The following PCSK2 variants were observed in gnomAD, a reference collection of about 807,000 sequenced individuals.
The protein encoded by PCSK2 is proprotein convertase subtilisin/kexin type 2, also known as neuroendocrine convertase 2.
Under a neutral mutation model 69.7 loss-of-function variants are expected in PCSK2, and 14 were observed. That is an observed-to-expected ratio of 0.20 (90% CI 0.13 to 0.31). The LOEUF (loss-of-function observed/expected upper bound fraction) is 0.31. PCSK2 is among the 10% of genes least tolerant of loss of function. The pLI is 1.00. For synonymous variants in PCSK2, 307 were observed against 320.7 expected (o/e 0.96, Z 0.46); for missense variants, 544 against 842.5 (o/e 0.65, Z 4.39).
chr20:17,391,896 GAAA>G (rs1600542875), intron 5 of PCSK2, among the ~76,000 whole-genome samples: 2 of 137,186 alleles, frequency 1.5e-5, no homozygotes, highest in East Asian at 4.1e-4. Context: ...AAGAGAGAGA[GAAA>G]GAGAGAGAGG....
At position 17,230,098 on chromosome 20, in the gene PCSK2, C is replaced by T. The variant is rs116821182; in HGVS notation, c.177+2616C>T. ...TTATTATCCCAGGTTTCCCAGACAC[C>T]GTCCTATCTTGCTTTCATCATACTG... On this transcript the variant is annotated intron_variant, in intron 1 of 11. Coordinates refer to ENST00000262545, the MANE Select transcript of PCSK2 (RefSeq NM_002594.5). Among the ~76,000 whole-genome samples the T allele has an allele frequency of 6.9e-4, 105 of 152,290 alleles. 1 individual carries two copies. Among genetic ancestry groups the T allele is most frequent in the African/African-American group, 2.2e-3 (93 of 41,548 alleles).
intron 1 of PCSK2, among the ~76,000 whole-genome samples, chr20:17,239,925 C>T (rs1986500522): frequency 7.4e-6 from 1 of 134,920 alleles, no homozygotes; most frequent in Non-Finnish European, 1.5e-5. Context: ...GCGATCTCAG[C>T]TCACTGCAAC....
At chr20:17,436,142 C>T (rs544991494) in intron 7 of PCSK2, among the ~76,000 whole-genome samples, 12 of 152,260 alleles carry the variant, frequency 7.9e-5, no homozygotes, top group African/African-American at 2.6e-4. Context: ...TTTAGAATAG[C>T]CATCTCTGCC....
intron 5 of PCSK2, among the ~76,000 whole-genome samples, chr20:17,408,191 A>T (rs117197352): frequency 3.3e-5 from 5 of 152,096 alleles, no homozygotes; most frequent in Non-Finnish European, 7.3e-5. Flanking sequence ...GTGAACCAAG[A>T]AGCCATCTGG....
At chr20:17,298,021 A>G (rs1988955284) in intron 2 of PCSK2, among the ~76,000 whole-genome samples, 1 of 152,148 alleles carries the variant, frequency 6.6e-6, no homozygotes, top group South Asian at 2.1e-4. Context: ...TATTTTATGC[A>G]TTATATTTTT....
chr20:17,370,577 GAGA>G (rs2123232591), intron 5 of PCSK2, among the ~76,000 whole-genome samples: 1 of 152,318 alleles, frequency 6.6e-6, no homozygotes. Context: ...CATGTCTATG[GAGA>G]AGACCATTGT....
chr20:17,297,010 G>A (rs772305579), intron 2 of PCSK2, among the ~76,000 whole-genome samples: 13 of 152,096 alleles, frequency 8.5e-5, no homozygotes, highest in Non-Finnish European at 1.5e-4. Flanking sequence ...ATTTTTAAGG[G>A]CATTTAAAAA....
In PCSK2 at chr20:17,347,960, G is replaced by A. The variant is rs200145033; in HGVS notation, c.283-10367G>A. Among the ~76,000 whole-genome samples, 21 of 68,060 alleles carry A rather than the reference G, an allele frequency of 3.1e-4. 2 individuals carry two copies. The highest frequency in any genetic ancestry group is 1.4e-3 in the African/African-American group (18 of 13,228). The allele number at this position is 68,060 out of a possible 152,430, so 44.7% of individuals were successfully genotyped here. On this transcript the variant is annotated intron_variant, in intron 2 of 11. Coordinates refer to ENST00000262545, the MANE Select transcript of PCSK2 (RefSeq NM_002594.5). ...AGAAAGAAAGAAAGAAAGAAAGAAA[G>A]AGAAAGAAAGAAAGAAAGAAAGAGG...
chr20:17,302,167 A>G (rs1010488966), intron 2 of PCSK2, among the ~76,000 whole-genome samples: 1 of 152,122 alleles, frequency 6.6e-6, no homozygotes, highest in Non-Finnish European at 1.5e-5. Flanking sequence ...TTATTGGGTT[A>G]CAGTAGGAGT....
At chr20:17,302,767 G>C (rs1040909411) in intron 2 of PCSK2, among the ~76,000 whole-genome samples, 2 of 152,162 alleles carry the variant, frequency 1.3e-5, no homozygotes, top group Non-Finnish European at 2.9e-5. Flanking sequence ...AACGCACTGT[G>C]ATGTTGTTAT....
At chr20:17,464,810 G>T (rs189126127) in intron 10 of PCSK2, 82 of 166,330 alleles carry the variant, frequency 4.9e-4, no homozygotes, top group Middle Eastern at 6.3e-3. Context: ...CTATCTTTTG[G>T]ATGGCATGTA....
chr20:17,481,622 C>T lies in PCSK2; in HGVS notation c.1469C>T (p.Thr490Ile). The change falls in exon 12 of 12, where the codon ACA becomes ATA. Residue 490 changes from threonine (T) to isoleucine (I), a missense_variant. Transcript: ENST00000262545. ...ACTGGCAAGTTGGTGCTGACACTCA[C>T]AACCGACGCCTGTGAGGGGAAGGAA... is the stretch of plus-strand genomic sequence containing the variant. Reference protein sequence around the residue: ...PSTGKLVLTLTTDACEGKENF... With the variant: ...PSTGKLVLTLITDACEGKENF... The T allele has an allele frequency of 6.2e-7, 1 of 1,614,020 alleles. No homozygotes were observed.
intron 11 of PCSK2, among the ~76,000 whole-genome samples, chr20:17,478,544 CAA>C (rs1237145632): frequency 1.3e-5 from 2 of 151,982 alleles, no homozygotes; most frequent in Admixed American, 6.5e-5. Context: ...AAAAAGTAAA[CAA>C]GTTAATCATA....
At chr20:17,423,916 C>T (rs1310615123) in intron 6 of PCSK2, among the ~76,000 whole-genome samples, 3 of 152,174 alleles carry the variant, frequency 2.0e-5, no homozygotes, top group Non-Finnish European at 4.4e-5. Flanking sequence ...TACCATTTCA[C>T]ACCAACTGGA....
Position 17,260,244 on chromosome 20 carries a change from C to T in PCSK2, c.182C>T (p.Pro61Leu). The change falls in exon 2 of 12, where the codon CCC becomes CTC. Residue 61 changes from proline (P) to leucine (L), a missense_variant. Transcript: ENST00000262545. ...TGTCTACTTGACTCTCCACAGCTTC[C>T]CTTTGCTGAAGGTCTGTACCACTTT... ...AEHGFGVRKL[P>L]FAEGLYHFYH... is the part of the protein sequence containing the mutation. The T allele has an allele frequency of 6.2e-7, 1 of 1,608,050 alleles. No homozygotes were observed. The highest frequency in any genetic ancestry group is 8.5e-7 in the Non-Finnish European group (1 of 1,174,534).
rs61156656 is a variant in PCSK2, at chr20:17,450,017, C to CTTTTTTTTTTTTTTTTTTT, written c.886-3713_886-3695dup. Among the ~76,000 whole-genome samples, 52 of 61,834 alleles carry CTTTTTTTTTTTTTTTTTTT rather than the reference C, an allele frequency of 8.4e-4. 9 individuals are homozygous for CTTTTTTTTTTTTTTTTTTT. The highest frequency in any genetic ancestry group is 1.1e-3 in the Non-Finnish European group (39 of 34,974). The allele number at this position is 61,834 out of a possible 152,430, so 40.6% of individuals were successfully genotyped here. Reference sequence around the variant, plus strand: ...TTTTTAAGTTTGTTGAATTTCTTCCCTTTTTTTTTTTTTTTTTTTTTTTTT... The same window carrying CTTTTTTTTTTTTTTTTTTT: ...TTTTTAAGTTTGTTGAATTTCTTCCCTTTTTTTTTTTTTTTTTTTTTTTTTTTTTTTTTTTTTTTTTTTT... On this transcript the variant is annotated intron_variant, in intron 8 of 11. Transcript: ENST00000262545.
At chr20:17,429,025 A>T (rs1373037017) in intron 6 of PCSK2, among the ~76,000 whole-genome samples, 8 of 148,490 alleles carry the variant, frequency 5.4e-5, no homozygotes, top group Non-Finnish European at 1.2e-4. Flanking sequence ...AAAAAAAAAA[A>T]AAAAGAATAA....
intron 5 of PCSK2, among the ~76,000 whole-genome samples, chr20:17,391,137 T>C (rs1249906648): frequency 6.6e-6 from 1 of 152,226 alleles, no homozygotes; most frequent in Non-Finnish European, 1.5e-5. Flanking sequence ...CTGAGTCAAG[T>C]AGTACATGCA....
chr20:17,406,049 G>C (rs1445704307), intron 5 of PCSK2, among the ~76,000 whole-genome samples: 1 of 152,190 alleles, frequency 6.6e-6, no homozygotes, highest in African/African-American at 2.4e-5. Flanking sequence ...TAAAAAGTTA[G>C]AGAAGTCCAA....
Sources: gnomAD v4.1 joint callset for allele counts (sites outside exome capture counted in the v4.1 genomes callset) on GRCh38, gnomAD v4.1.1 for gene constraint, MANE v1.5 for transcripts, NCBI Gene and HGNC (gene_info 2026-07-23, HGNC 2026-07-21) for gene names.